The following INCENP variants were observed in gnomAD, a reference collection of about 807,000 sequenced individuals.
INCENP encodes binds and activates aurora-B and -C in vivo and in vitro.
A neutral mutation model predicts 107.3 loss-of-function variants in INCENP; 43 were observed. That is an observed-to-expected ratio of 0.40 (90% confidence interval 0.31 to 0.52). INCENP has a LOEUF of 0.52. Among genes scored for constraint, INCENP ranks in the 20% least tolerant of loss-of-function variants. The pLI, the probability that INCENP is intolerant of heterozygous loss-of-function variation, is 0.53. For synonymous variants in INCENP, 488 were observed against 494.4 expected, an observed-to-expected ratio of 0.99 and a Z score of 0.17; for missense variants, 1,089 against 1,250.9, an observed-to-expected ratio of 0.87 and a Z score of 1.95.
At chr11:62,134,459 A>C (rs936561792) in intron 4 of INCENP, among the ~76,000 whole-genome samples, 1 of 151,524 alleles carries the variant, frequency 6.6e-6, no homozygotes, top group Non-Finnish European at 1.5e-5. Flanking sequence ...TCGTTACTGT[A>C]TTAAAAATTA....
Position 62,145,694 on chromosome 11 carries a change from G to C in INCENP, c.1902G>C (p.Glu634Asp). The change falls in exon 14 of 19, where the codon GAG (glutamate) becomes GAC (aspartate). Residue 634 changes from glutamate to aspartate, a missense_variant. Transcript: ENST00000394818. The stretch of plus-strand genomic sequence containing the variant: ...AGGCGGCGGCCAAGAAGATGGAGGA[G>C]GTGGAAGCACGCAGGAAGCAGGAAG... ...KKKAAAKKMEEVEARRKQEEE... is the reference protein window; with the variant it reads ...KKKAAAKKMEDVEARRKQEEE... The C allele has an allele frequency of 6.4e-7, 1 of 1,566,772 alleles. No individual in the cohort carries two copies. The highest frequency in any genetic ancestry group is 1.2e-5 in the South Asian group (1 of 85,078).
At chr11:62,147,003 C>T (rs973605018) in intron 15 of INCENP, 101 bp downstream of exon 15, 5 of 1,528,966 alleles carry the variant, frequency 3.3e-6, no homozygotes, top group Non-Finnish European at 4.4e-6. Flanking sequence ...TGACGGTTTG[C>T]AGGTGCTTTC....
At chr11:62,138,100 C>T in intron 5 of INCENP, 1 of 595,978 alleles carries the variant, frequency 1.7e-6, no homozygotes, top group Non-Finnish European at 3.0e-6. Context: ...TGCTGGTTGC[C>T]TGGCTAGACC....
chr11:62,147,098 G>C (rs1303043401), intron 15 of INCENP, among the ~76,000 whole-genome samples, 196 bp downstream of exon 15: 2 of 152,164 alleles, frequency 1.3e-5, no homozygotes, highest in East Asian at 3.8e-4. Flanking sequence ...GCTTGCTTAG[G>C]GCTTGGCTTG....
chr11:62,137,968 C>G (rs2134643218), intron 5 of INCENP, 85 bp downstream of exon 5: 1 of 1,233,914 alleles, frequency 8.1e-7, no homozygotes. Flanking sequence ...GAAGCAATTC[C>G]TGGGCTGAGT....
rs1944100368 is a variant in INCENP, at chr11:62,140,793, C to G, written c.1433C>G (p.Thr478Ser). Residue 478 changes from threonine (T) to serine (S), a missense_variant, in exon 9 of 19, where the codon ACC (threonine) becomes AGC (serine). Thr to Ser is a moderately conservative substitution (Grantham distance 58, BLOSUM62 1). Coordinates refer to ENST00000394818, the MANE Select transcript of INCENP (RefSeq NM_001040694.2). ...GAGCTGCAGCCCCCCAGGAGCAAGACCCCTTCCTCACCCTGCCCAGCCAGC... is the reference window on the plus strand; with the variant it reads ...GAGCTGCAGCCCCCCAGGAGCAAGAGCCCTTCCTCACCCTGCCCAGCCAGC... ...DEELQPPRSK[T>S]PSSPCPASKV... 1 of 1,612,936 alleles carries G rather than the reference C, an allele frequency of 6.2e-7. No individual in the cohort carries two copies. Among genetic ancestry groups the G allele is most frequent in the African/African-American group, 1.3e-5 (1 of 75,044 alleles).
In INCENP at chr11:62,140,302, G is replaced by A. The variant is rs751867700; in HGVS notation, c.1343+17G>A. On this transcript the variant is annotated intron_variant, in intron 8 of 18. Transcript: ENST00000394818. ...GAGTGCCAGGTTTGCATCCGGGAAG[G>A]GGTGTGTAGGTAACTCTGAGGGCCC... The A allele has an allele frequency of 1.2e-6, 2 of 1,610,320 alleles. No individual in the cohort carries two copies. The highest frequency in any genetic ancestry group is 1.1e-5 in the South Asian group (1 of 91,008).
At position 62,147,426 on chromosome 11, in the gene INCENP, A is replaced by G. The variant is rs151200913; in HGVS notation, c.2204+524A>G. Among the ~76,000 whole-genome samples the G allele has an allele frequency of 1.9e-3, 290 of 152,272 alleles. 2 individuals carry two copies. The highest frequency in any genetic ancestry group is 6.8e-3 in the African/African-American group (282 of 41,544). ...AGATGCAGTGGTCTCTGTACAATAG[A>G]CAAGAGTTCCATGTTTAGTTTTACA... On this transcript the variant is annotated intron_variant, in intron 15 of 18. Coordinates refer to ENST00000394818, the MANE Select transcript of INCENP (RefSeq NM_001040694.2).
rs2134654156 is a variant in INCENP at position 62,140,910 on chromosome 11, C to T, written c.1462-3C>T. 2 of 1,614,132 alleles carry T rather than the reference C, an allele frequency of 1.2e-6. No individual in the cohort carries two copies. The highest frequency in any genetic ancestry group is 1.6e-4 in the Middle Eastern group (1 of 6,062). ...CACTTCTGACCCTGGTCCTCGTCTG[C>T]AGGTGGTACGGCCCCTCCGGACCTT... is the stretch of plus-strand genomic sequence containing the variant. On this transcript the variant is annotated splice_polypyrimidine_tract_variant and splice_region_variant and intron_variant, in intron 9 of 18. Coordinates refer to ENST00000394818, the MANE Select transcript of INCENP (RefSeq NM_001040694.2).
intron 16 of INCENP, 28 bp from the exon 17 acceptor site, chr11:62,148,711 T>C (rs763212446): frequency 1.3e-6 from 2 of 1,547,602 alleles, no homozygotes; most frequent in Admixed American, 3.8e-5. Context: ...CACAGCTCCC[T>C]AACACCCCAT....
In INCENP at chr11:62,130,580, C is replaced by T; in HGVS notation, c.1053C>T (p.Gly351=). 6.2e-7 allele frequency: 1 copy of T among 1,611,146 alleles called. No individual in the cohort carries two copies. The highest frequency in any genetic ancestry group is 1.1e-5 in the South Asian group (1 of 90,638). Residue 351 remains glycine (G), a synonymous_variant, in exon 4 of 19, where the codon GGC becomes GGT. Transcript: ENST00000394818. Reference sequence around the variant, plus strand: ...CTGCCGAAGAGCCAGCTGCCTCTGGCCGCATCATCTGTGAGTCTGGGGGCT... The same window carrying T: ...CTGCCGAAGAGCCAGCTGCCTCTGGTCGCATCATCTGTGAGTCTGGGGGCT... ...KKTAEEPAAS[G]RIICHSYLER...
At chr11:62,145,847 T>G in intron 14 of INCENP, 96 bp downstream of exon 14, 2 of 1,383,280 alleles carry the variant, frequency 1.4e-6, no homozygotes, top group Non-Finnish European at 1.9e-6. Context: ...CTTGTGGGGT[T>G]GACCCAGACC....
rs1943850530 is a variant in INCENP at position 62,130,068 on chromosome 11, C to A, written c.541C>A (p.Gln181Lys). The change falls in exon 4 of 19, where the codon CAG (glutamine) becomes AAG (lysine). Residue 181 changes from glutamine (Q) to lysine (K), a missense_variant. Transcript: ENST00000394818. Reference sequence around the variant, plus strand: ...CATCAGTGAGCGCCAGAATGCTGAGCAGCATGTCACCCAGCTCATGTCCAC... The same window carrying A: ...CATCAGTGAGCGCCAGAATGCTGAGAAGCATGTCACCCAGCTCATGTCCAC... Reference protein sequence around the residue: ...IGISERQNAEQHVTQLMSTEP... With the variant: ...IGISERQNAEKHVTQLMSTEP... The A allele has an allele frequency of 4.3e-6, 7 of 1,613,666 alleles. No individual in the cohort carries two copies. In the South Asian group the frequency reaches 6.6e-5, roughly 15 times the overall value.
At chr11:62,132,639 T>A (rs1451128690) in intron 4 of INCENP, among the ~76,000 whole-genome samples, 1 of 152,174 alleles carries the variant, frequency 6.6e-6, no homozygotes, top group East Asian at 1.9e-4. Flanking sequence ...TTGCAGAGAA[T>A]CTCTGGAGAC....
chr11:62,137,682 G>A (rs1944021318), intron 4 of INCENP, 150 bp from the exon 5 acceptor site: 1 of 723,918 alleles, frequency 1.4e-6, no homozygotes. Flanking sequence ...TATGAGTGCT[G>A]AGGGGAGGGT....
intron 5 of INCENP, 132 bp from the exon 6 acceptor site, chr11:62,138,581 G>A (rs1325983362): frequency 5.6e-6 from 4 of 711,572 alleles, no homozygotes; most frequent in Non-Finnish European, 9.4e-6. Flanking sequence ...GGGGGCTGTG[G>A]GTTCGTGGCC....
chr11:62,132,074 C>A lies in INCENP; in HGVS notation c.1063+1484C>A, dbSNP rs139649018. On this transcript the variant is annotated intron_variant, in intron 4 of 18. Transcript: ENST00000394818. ...AAAGTGCCGGGATTACAAGTGTGAG[C>A]TACTGCGCCCAGCCCAGGTTTTATC... 2.0e-4 allele frequency among the ~76,000 whole-genome samples: 30 copies of A among 152,342 alleles called. 1 individual carries two copies. The East Asian group carries it at 5.2e-3, about 26-fold the overall frequency.
rs774127794 is a variant in INCENP, at chr11:62,129,897, G to C, written c.370G>C (p.Val124Leu). ...VGENGSVLRRVTRAAAAAAAA... is the reference protein window; with the variant it reads ...VGENGSVLRRLTRAAAAAAAA... Reference sequence around the variant, plus strand: ...GGAGAACGGCTCCGTCCTGCGGCGTGTGACCCGTGCTGCGGCTGCAGCTGC... The same window carrying C: ...GGAGAACGGCTCCGTCCTGCGGCGTCTGACCCGTGCTGCGGCTGCAGCTGC... Residue 124 changes from valine (V) to leucine (L), a missense_variant, in exon 4 of 19, where the codon GTG becomes CTG. Val to Leu is a conservative substitution (Grantham distance 32). Coordinates refer to ENST00000394818, the MANE Select transcript of INCENP (RefSeq NM_001040694.2). 2.6e-5 allele frequency: 42 copies of C among 1,613,708 alleles called. No individual in the cohort carries two copies. The Middle Eastern group carries it at 4.9e-4, about 19-fold the overall frequency.
intron 16 of INCENP, 59 bp downstream of exon 16, chr11:62,148,613 G>A: frequency 6.5e-7 from 1 of 1,542,084 alleles, no homozygotes. Context: ...GGGCGGGTCT[G>A]GACTCCTGCA....
Sources: gnomAD v4.1 joint callset for allele counts (sites outside exome capture counted in the v4.1 genomes callset) on GRCh38, gnomAD v4.1.1 for gene constraint, MANE v1.5 for transcripts, NCBI Gene and HGNC (gene_info 2026-07-23, HGNC 2026-07-21) for gene names.